The following SRGAP3 variants were observed in gnomAD, a reference collection of about 807,000 sequenced individuals.
SRGAP3 encodes the protein SLIT-ROBO Rho GTPase activating protein 3.
In SRGAP3, 39 loss-of-function variants were observed where a neutral mutation model predicts 121.1. The observed-to-expected ratio is 0.32, with a 90% CI of 0.25 to 0.42. SRGAP3 has a LOEUF of 0.42. Among genes scored for constraint, SRGAP3 ranks in the 10% least tolerant of loss-of-function variants. The pLI is 1.00. For missense variants in SRGAP3, 1,213 were observed against 1,470.6 expected, an observed-to-expected ratio of 0.82 and a Z score of 2.86; for synonymous variants, 601 against 570.0, an observed-to-expected ratio of 1.05 and a Z score of -0.77.
chr3:9,084,419 T>C (rs1423051589), intron 3 of SRGAP3, among the ~76,000 whole-genome samples: 1 of 152,098 alleles, frequency 6.6e-6, no homozygotes, highest in Non-Finnish European at 1.5e-5. Context: ...TACTGAGTGC[T>C]GGCAAAAAAA....
At chr3:9,203,549 T>C (rs949018464) in intron 1 of SRGAP3, among the ~76,000 whole-genome samples, 1 of 152,150 alleles carries the variant, frequency 6.6e-6, no homozygotes, top group East Asian at 1.9e-4. Context: ...AAAGGAGAGA[T>C]CGAGAACTCT....
chr3:9,166,837 A>C (rs1232661652), intron 1 of SRGAP3, among the ~76,000 whole-genome samples: 1 of 152,046 alleles, frequency 6.6e-6, no homozygotes, highest in Non-Finnish European at 1.5e-5. Context: ...TATCACCCTG[A>C]CTTCATTTCT....
At chr3:9,280,978 G>T (rs1954666966) in intron 3 of SRGAP3, among the ~76,000 whole-genome samples, 1 of 151,886 alleles carries the variant, frequency 6.6e-6, no homozygotes, top group Admixed American at 6.6e-5. Flanking sequence ...GTTGGGGGTG[G>T]TGGGAGTCTT....
intron 4 of SRGAP3, among the ~76,000 whole-genome samples, chr3:9,078,312 G>T (rs1947068267): frequency 6.6e-6 from 1 of 152,078 alleles, no homozygotes; most frequent in Non-Finnish European, 1.5e-5. Flanking sequence ...CACTGTGGAG[G>T]AAAGTGATCC....
At chr3:9,038,695 T>C (rs1341552754) in intron 10 of SRGAP3, among the ~76,000 whole-genome samples, 8 of 152,238 alleles carry the variant, frequency 5.3e-5, no homozygotes, top group Non-Finnish European at 1.2e-4. Flanking sequence ...GGGTTCTCCA[T>C]GTGCATGCCT....
At chr3:9,051,260 T>A (rs1211730988) in intron 9 of SRGAP3, among the ~76,000 whole-genome samples, 1 of 152,130 alleles carries the variant, frequency 6.6e-6, no homozygotes, top group East Asian at 1.9e-4. Context: ...ATCCTCCTAC[T>A]CGGCCTCCCA....
At chr3:9,160,308 T>C (rs1286565520) in intron 1 of SRGAP3, among the ~76,000 whole-genome samples, 13 of 152,180 alleles carry the variant, frequency 8.5e-5, no homozygotes, top group Non-Finnish European at 1.3e-4. Flanking sequence ...TCCAAATGAA[T>C]AGAATATGGC....
intron 19 of SRGAP3, chr3:8,993,856 G>C (rs1295065922): frequency 1.2e-5 from 2 of 173,408 alleles, no homozygotes; most frequent in Non-Finnish European, 2.5e-5. Flanking sequence ...CAGACTTTTT[G>C]TGGTAGGACT....
At chr3:9,231,545 A>G (rs190538863) in intron 1 of SRGAP3, among the ~76,000 whole-genome samples, 41 of 152,354 alleles carry the variant, frequency 2.7e-4, no homozygotes, top group African/African-American at 9.6e-4. Context: ...TAATATTTTT[A>G]TAGGCCAACA....
At position 9,009,596 on chromosome 3, in the gene SRGAP3, C is replaced by T. The variant is rs1390816732; in HGVS notation, c.2227+712G>A. On this transcript the variant is annotated intron_variant, in intron 18 of 21. Coordinates refer to ENST00000383836, the MANE Select transcript of SRGAP3 (RefSeq NM_014850.4). ...CCATGGGCCCTTGGCACTATGCCTA[C>T]TCTGCCTGACGGATAAGTTGGCATA... Among the ~76,000 whole-genome samples the T allele has an allele frequency of 2.0e-5, 3 of 152,172 alleles. No individual in the cohort carries two copies. In the East Asian group the frequency reaches 5.8e-4, roughly 29 times the overall value.
At chr3:9,102,288 T>C (rs1560151661) in intron 3 of SRGAP3, among the ~76,000 whole-genome samples, 1 of 152,148 alleles carries the variant, frequency 6.6e-6, no homozygotes, top group Non-Finnish European at 1.5e-5. Context: ...CAGCTCCATT[T>C]CCCAGATGAC....
At chr3:9,355,913 A>T (rs1488623063) in intron 1 of SRGAP3, 1 of 152,204 alleles carries the variant, frequency 6.6e-6, no homozygotes, top group Non-Finnish European at 1.5e-5. Context: ...CATGAGAGGG[A>T]GAAGGGAGCA....
At chr3:9,286,236 C>G (rs1954768132) in intron 3 of SRGAP3, among the ~76,000 whole-genome samples, 1 of 151,770 alleles carries the variant, frequency 6.6e-6, no homozygotes, top group African/African-American at 2.4e-5. Flanking sequence ...GATCTGTATA[C>G]TTTCTTCTCG....
chr3:9,289,998 C>T (rs531728273), intron 3 of SRGAP3, among the ~76,000 whole-genome samples: 7 of 152,256 alleles, frequency 4.6e-5, no homozygotes, highest in African/African-American at 1.7e-4. Flanking sequence ...GTAGTCCCAG[C>T]TACTCAGGAG....
chr3:9,013,801 T>A lies in SRGAP3; in HGVS notation c.1855A>T (p.Ile619Phe), dbSNP rs769112650. 19 of 1,614,050 alleles carry A rather than the reference T, an allele frequency of 1.2e-5. No individual in the cohort carries two copies. The highest frequency in any genetic ancestry group is 1.5e-5 in the Non-Finnish European group (18 of 1,180,036). Reference protein sequence around the residue: ...PAERVHQIQQILVTLPRVVIV... With the variant: ...PAERVHQIQQFLVTLPRVVIV... ...ACCACGCGGGGAAGGGTGACGAGGA[T>A]TTGTTGGATCTGGTGCACCCTCTCG... is the stretch of plus-strand genomic sequence containing the variant. The change falls in exon 16 of 22, where the codon ATC becomes TTC. Residue 619 changes from isoleucine (I) to phenylalanine (F), a missense_variant. Physicochemically the swap from Ile to Phe is conservative, Grantham distance 21. Coordinates refer to ENST00000383836, the MANE Select transcript of SRGAP3 (RefSeq NM_014850.4).
At chr3:9,349,200 C>T (rs2029927482) in intron 1 of SRGAP3, 7 of 686,394 alleles carry the variant, frequency 1.0e-5, no homozygotes, top group Admixed American at 1.8e-5. Context: ...TAAAGGCCAG[C>T]GGGCAGGCTA....
intron 3 of SRGAP3, among the ~76,000 whole-genome samples, chr3:9,102,199 A>C (rs529078112): frequency 1.3e-5 from 2 of 152,202 alleles, no homozygotes; most frequent in Non-Finnish European, 2.9e-5. Flanking sequence ...ATAAGCACCT[A>C]CTGGATACCA....
intron 20 of SRGAP3, 53 bp from the exon 21 acceptor site, chr3:8,990,892 G>C: frequency 2.1e-6 from 3 of 1,431,066 alleles, no homozygotes; most frequent in South Asian, 2.9e-5. Context: ...AGCCTGGCAA[G>C]TCTCAGAATG....
chr3:9,284,135 TAA>T (rs201755024), intron 3 of SRGAP3, among the ~76,000 whole-genome samples: 1 of 144,450 alleles, frequency 6.9e-6, no homozygotes. Flanking sequence ...TGGTGTTTAA[TAA>T]AAAAAAAAAG....
Sources: allele counts gnomAD v4.1 joint callset (sites outside exome capture counted in the v4.1 genomes callset), GRCh38; gene constraint gnomAD v4.1.1; transcripts MANE v1.5; gene names NCBI Gene and HGNC (gene_info 2026-07-23, HGNC 2026-07-21).